Variants in CALCOCO2 observed in about 807,000 individuals in gnomAD.
CALCOCO2 encodes the protein calcium-binding and coiled-coil domain-containing protein 2.
Under a neutral mutation model 62.5 loss-of-function variants are expected in CALCOCO2, and 42 were observed. The ratio of observed to expected loss-of-function variants is 0.67; its 90% CI spans 0.53 to 0.87. The LOEUF (loss-of-function observed/expected upper bound fraction) is 0.87. Among genes scored for constraint, CALCOCO2 ranks in the 40% least tolerant of loss-of-function variants. The pLI, the probability that CALCOCO2 is intolerant of heterozygous loss-of-function variation, is 0.00. For missense variants in CALCOCO2, 456 were observed against 515.0 expected, an observed-to-expected ratio of 0.89 and a Z score of 1.11; for synonymous variants, 167 against 173.0, an observed-to-expected ratio of 0.97 and a Z score of 0.27.
At chr17:48,843,830 G>A (rs538460356) in intron 2 of CALCOCO2, 8 of 152,346 alleles carry the variant, frequency 5.3e-5, no homozygotes, top group African/African-American at 1.9e-4. Context: ...GCCACATGTG[G>A]CTGTTAAGCA....
chr17:48,833,027 G>C (rs2039838279), intron 1 of CALCOCO2, among the ~76,000 whole-genome samples: 1 of 152,136 alleles, frequency 6.6e-6, no homozygotes, highest in South Asian at 2.1e-4. Context: ...TTTTAGGTAA[G>C]GGTCTAGAAT....
chr17:48,840,151 G>A (rs1022004563), intron 1 of CALCOCO2, among the ~76,000 whole-genome samples: 1 of 151,734 alleles, frequency 6.6e-6, no homozygotes, highest in Non-Finnish European at 1.5e-5. Context: ...TTGTTTTGAG[G>A]CAGGGGCTTG....
At chr17:48,832,849 T>C (rs1034960757) in intron 1 of CALCOCO2, among the ~76,000 whole-genome samples, 4 of 152,220 alleles carry the variant, frequency 2.6e-5, no homozygotes, top group Admixed American at 2.6e-4. Flanking sequence ...CCAGAACTAT[T>C]TTTTCCATCT....
At chr17:48,856,225 T>A in intron 10 of CALCOCO2, 38 bp downstream of exon 10, 1 of 1,199,996 alleles carries the variant, frequency 8.3e-7, no homozygotes, top group Non-Finnish European at 1.2e-6. Context: ...CCCAAGGTTT[T>A]AAGGGGAAGG....
chr17:48,838,601 C>T (rs1359598425), intron 1 of CALCOCO2, among the ~76,000 whole-genome samples: 1 of 152,044 alleles, frequency 6.6e-6, no homozygotes, highest in East Asian at 1.9e-4. Flanking sequence ...GTAGTGCCAG[C>T]TACTCGGGAG....
rs1365246633 is a variant in CALCOCO2, at chr17:48,859,760, T to A, written c.1009-554T>A. Among the ~76,000 whole-genome samples the A allele has an allele frequency of 2.6e-5, 4 of 152,204 alleles. No homozygotes were observed. In the South Asian group the frequency reaches 8.3e-4, roughly 32 times the overall value. ...TGGCATGTATTTAGAGATTTAAAAC[T>A]TTTTTGTATTAATATAAACAAAATG... On this transcript the variant is annotated intron_variant, in intron 10 of 12. Coordinates refer to ENST00000258947, the MANE Select transcript of CALCOCO2 (RefSeq NM_005831.5).
At chr17:48,844,476 T>A (rs2040019233) in intron 2 of CALCOCO2, among the ~76,000 whole-genome samples, 1 of 151,846 alleles carries the variant, frequency 6.6e-6, no homozygotes, top group Non-Finnish European at 1.5e-5. Context: ...TTTTTTAAGA[T>A]GGAGTTTTGC....
chr17:48,834,761 T>C (rs537612999), intron 1 of CALCOCO2, among the ~76,000 whole-genome samples: 1 of 151,866 alleles, frequency 6.6e-6, no homozygotes, highest in South Asian at 2.1e-4. Context: ...ATTTTAATTT[T>C]CATGGGCCAG....
rs903157336 is a variant in CALCOCO2 at position 48,852,772 on chromosome 17, G to A, written c.825+144G>A. On this transcript the variant is annotated intron_variant, in intron 8 of 12. Transcript: ENST00000258947. ...GGGCTCAGAGGAAGCTATCTGAAAT[G>A]AGATAGCTCATGGCTTTCTTCAGAA... is the stretch of plus-strand genomic sequence containing the variant. 9.3e-6 allele frequency: 9 copies of A among 968,628 alleles called. No individual in the cohort carries two copies. In the African/African-American group the frequency reaches 1.5e-4, roughly 16 times the overall value. 60.0% of individuals were successfully genotyped at this position (968,628 alleles called of 1,614,324 possible). A position where few individuals can be genotyped will look rare whatever the true frequency, so the allele number is the denominator to read the frequency against.
intron 2 of CALCOCO2, 116 bp downstream of exon 2, chr17:48,842,003 A>C (rs1033816344): frequency 4.4e-6 from 3 of 683,190 alleles, no homozygotes; most frequent in Non-Finnish European, 7.1e-6. Context: ...GGCAGTTTTT[A>C]AATTCTAGCC....
At chr17:48,860,183 T>G in intron 10 of CALCOCO2, 131 bp from the exon 11 acceptor site, 2 of 651,048 alleles carry the variant, frequency 3.1e-6, no homozygotes, top group South Asian at 2.0e-5. Flanking sequence ...AATTATGGAT[T>G]ATCAATTATT....
intron 12 of CALCOCO2, 97 bp downstream of exon 12, chr17:48,862,401 T>A (rs1338448198): frequency 4.6e-6 from 4 of 870,226 alleles, no homozygotes; most frequent in Non-Finnish European, 3.9e-6. Context: ...CAGGTTCATT[T>A]TGATAACTCC....
In CALCOCO2 at chr17:48,849,279, A is replaced by G. The variant is rs2040094254; in HGVS notation, c.445A>G (p.Asn149Asp). The change falls in exon 5 of 13, where the codon AAC (asparagine) becomes GAC (aspartate). Residue 149 changes from asparagine (N) to aspartate (D), a missense_variant. Physicochemically the swap from Asn to Asp is conservative, Grantham distance 23. Coordinates refer to ENST00000258947, the MANE Select transcript of CALCOCO2 (RefSeq NM_005831.5). ...AGAGGTGGAAGAGATTGAGCAGCACAACAAGGAGCTTTGCAAAGAAAACCA... is the reference window on the plus strand; with the variant it reads ...AGAGGTGGAAGAGATTGAGCAGCACGACAAGGAGCTTTGCAAAGAAAACCA... ...QGEVEEIEQHNKELCKENQEL... is the reference protein window; with the variant it reads ...QGEVEEIEQHDKELCKENQEL... The G allele has an allele frequency of 1.9e-6, 3 of 1,613,800 alleles. No homozygotes were observed. In the South Asian group the frequency reaches 3.3e-5, roughly 18 times the overall value.
intron 10 of CALCOCO2, among the ~76,000 whole-genome samples, chr17:48,859,045 CAAAAAAAAA>C (rs61643790): frequency 1.7e-4 from 6 of 35,624 alleles, no homozygotes; most frequent in Admixed American, 1.0e-3. Context: ...GACTCTGTCT[CAAAAAAAAA>C]AAAAAAAAAA....
At position 48,851,111 on chromosome 17, in the gene CALCOCO2, G is replaced by C. The variant is rs145988864; in HGVS notation, c.566G>C (p.Ser189Thr). The stretch of plus-strand genomic sequence containing the variant: ...TAGGAGGAGCTAGAAACCCTACAGA[G>C]CATCAATAAGAAGTTGGAACTGAAA... ...KKQEELETLQ[S>T]INKKLELKVK... Residue 189 changes from serine to threonine, a missense_variant, in exon 6 of 13, where the codon AGC becomes ACC. Around this residue, in one of 3 missense-constraint regions of CALCOCO2, gnomAD observed 236 missense variants for 225.3 expected, o/e 1.05. Transcript: ENST00000258947. The C allele has an allele frequency of 2.5e-6, 4 of 1,607,046 alleles. No homozygotes were observed. Among genetic ancestry groups the C allele is most frequent in the African/African-American group, 1.3e-5 (1 of 74,728 alleles).
At chr17:48,857,850 G>A (rs1004514981) in intron 10 of CALCOCO2, among the ~76,000 whole-genome samples, 14 of 149,390 alleles carry the variant, frequency 9.4e-5, no homozygotes, top group African/African-American at 2.9e-4. Context: ...GGTGGCAGGC[G>A]CCTATAGTCC....
chr17:48,842,877 G>C (rs1233530402), intron 2 of CALCOCO2, among the ~76,000 whole-genome samples: 2 of 152,042 alleles, frequency 1.3e-5, no homozygotes, highest in Non-Finnish European at 2.9e-5. Context: ...CTGACCTTGT[G>C]ATCTGCCCGC....
chr17:48,859,097 G>A (rs651965), intron 10 of CALCOCO2, among the ~76,000 whole-genome samples: 1 of 117,614 alleles, frequency 8.5e-6, no homozygotes, highest in Non-Finnish European at 1.8e-5. Context: ...GCCCTCTTAA[G>A]ATGATAAGGG....
At chr17:48,858,186 C>T (rs138619442) in intron 10 of CALCOCO2, among the ~76,000 whole-genome samples, 1 of 151,640 alleles carries the variant, frequency 6.6e-6, no homozygotes, top group Non-Finnish European at 1.5e-5. Context: ...AACTTCATAC[C>T]TACTAAAACA....
Sources: gnomAD v4.1 joint callset for allele counts (sites outside exome capture counted in the v4.1 genomes callset) on GRCh38, gnomAD v4.1.1 for gene constraint, gnomAD v4.1.1 regional missense constraint, MANE v1.5 for transcripts, NCBI Gene and HGNC (gene_info 2026-07-23, HGNC 2026-07-21) for gene names.